Variants in CWC27 observed in about 807,000 individuals in gnomAD.
The protein encoded by CWC27 is spliceosome-associated protein CWC27 homolog.
Under a neutral mutation model 63.6 loss-of-function variants are expected in CWC27, and 47 were observed. The observed-to-expected ratio is 0.74, with a 90% CI of 0.58 to 0.94. The LOEUF (loss-of-function observed/expected upper bound fraction) is 0.94. Ranked by LOEUF, CWC27 falls within the 40% of genes least tolerant of loss-of-function variation. CWC27 has a pLI of 0.00. For missense variants in CWC27, 495 were observed against 554.3 expected (o/e 0.89, Z 1.07); for synonymous variants, 175 against 179.8 (o/e 0.97, Z 0.22).
At chr5:64,826,311 T>C (rs1325314303) in intron 10 of CWC27, among the ~76,000 whole-genome samples, 1 of 152,234 alleles carries the variant, frequency 6.6e-6, no homozygotes, top group South Asian at 2.1e-4. Context: ...CTCAAATATT[T>C]TTTTGTTACT....
intron 13 of CWC27, among the ~76,000 whole-genome samples, chr5:64,996,341 C>A (rs1374092372): frequency 6.6e-6 from 1 of 152,108 alleles, no homozygotes. Flanking sequence ...ATCCCTTCTA[C>A]TTTCTGGTAT....
intron 11 of CWC27, among the ~76,000 whole-genome samples, chr5:64,912,092 GA>G (rs1462824129): frequency 8.2e-6 from 1 of 122,272 alleles, no homozygotes. Context: ...AAAAAAAAAA[GA>G]AAGAAAGAAA....
chr5:64,825,608 G>A (rs1745335915), intron 10 of CWC27, among the ~76,000 whole-genome samples: 1 of 151,948 alleles, frequency 6.6e-6, no homozygotes, highest in South Asian at 2.1e-4. Context: ...TTTTAAAGAT[G>A]GAAGTTTAGA....
At chr5:64,799,950 T>C (rs531303767) in intron 7 of CWC27, among the ~76,000 whole-genome samples, 2 of 152,244 alleles carry the variant, frequency 1.3e-5, no homozygotes, top group Non-Finnish European at 2.9e-5. Context: ...AAAAATTAAC[T>C]AGTTTCATAG....
At chr5:64,830,175 G>A (rs1351252703) in intron 10 of CWC27, among the ~76,000 whole-genome samples, 1 of 128,680 alleles carries the variant, frequency 7.8e-6, no homozygotes, top group Non-Finnish European at 1.7e-5. Flanking sequence ...TCCCTCCCCC[G>A]GCCCCCCATG....
At position 64,967,169 on chromosome 5, in the gene CWC27, A is replaced by G. The variant is rs74839740; in HGVS notation, c.1043-4534A>G. On this transcript the variant is annotated intron_variant, in intron 11 of 13. Transcript: ENST00000381070. Reference sequence around the variant, plus strand: ...TTGTTTCAAAACATTCCTGTTTCTGAAATACTAATCCTGAGATAGTCACAA... The same window carrying G: ...TTGTTTCAAAACATTCCTGTTTCTGGAATACTAATCCTGAGATAGTCACAA... 6.6e-3 allele frequency among the ~76,000 whole-genome samples: 1,010 copies of G among 152,118 alleles called. 16 individuals are homozygous for G. Among genetic ancestry groups the G allele is most frequent in the African/African-American group, 0.023 (969 of 41,546 alleles).
At chr5:64,938,838 G>A (rs1013547567) in intron 11 of CWC27, among the ~76,000 whole-genome samples, 2 of 152,108 alleles carry the variant, frequency 1.3e-5, no homozygotes, top group South Asian at 2.1e-4. Flanking sequence ...TTGTCTTCAC[G>A]CTTTATTTCA....
intron 11 of CWC27, among the ~76,000 whole-genome samples, chr5:64,956,098 C>G (rs776457462): frequency 6.6e-6 from 1 of 152,010 alleles, no homozygotes; most frequent in Non-Finnish European, 1.5e-5. Context: ...TTCTTAGACA[C>G]GAGTCCAAAC....
intron 2 of CWC27, among the ~76,000 whole-genome samples, chr5:64,775,617 A>G (rs1180511302): frequency 6.6e-6 from 1 of 152,124 alleles, no homozygotes; most frequent in African/African-American, 2.4e-5. Flanking sequence ...TTCTCCACAC[A>G]GCCTTCCAGC....
chr5:64,891,826 T>C lies in CWC27; in HGVS notation c.1042+6280T>C, dbSNP rs561877985. Among the ~76,000 whole-genome samples, 701 of 144,148 alleles carry C rather than the reference T, an allele frequency of 4.9e-3. 7 individuals carry two copies. The highest frequency in any genetic ancestry group is 6.1e-3 in the Non-Finnish European group (392 of 64,634). The allele number at this position is 144,148 out of a possible 152,430, so 94.6% of individuals were successfully genotyped here. ...GTTGTTGTTGTTGTTACAGAGTCTC[T>C]CTCTGTCTCCCAGGTTGGAGTGCAG... On this transcript the variant is annotated intron_variant, in intron 11 of 13. Coordinates refer to ENST00000381070, the MANE Select transcript of CWC27 (RefSeq NM_005869.4).
intron 7 of CWC27, among the ~76,000 whole-genome samples, chr5:64,791,281 G>A (rs1744071716): frequency 6.6e-6 from 1 of 152,132 alleles, no homozygotes; most frequent in African/African-American, 2.4e-5. Context: ...TTTTCTATTT[G>A]TAACAGCAGC....
intron 11 of CWC27, among the ~76,000 whole-genome samples, chr5:64,922,192 A>C (rs1473500171): frequency 6.6e-6 from 1 of 152,162 alleles, no homozygotes; most frequent in Non-Finnish European, 1.5e-5. Context: ...GTGAGATTGG[A>C]AACATTTTCA....
chr5:64,954,573 C>T (rs1438625889), intron 11 of CWC27, among the ~76,000 whole-genome samples: 2 of 146,982 alleles, frequency 1.4e-5, no homozygotes, highest in Non-Finnish European at 2.9e-5. Context: ...GAATGAGCCA[C>T]CGTGCACAGC....
intron 11 of CWC27, among the ~76,000 whole-genome samples, chr5:64,891,052 T>C (rs1227511441): frequency 6.6e-6 from 1 of 152,166 alleles, no homozygotes; most frequent in Non-Finnish European, 1.5e-5. Context: ...AAGAGTCAAA[T>C]ATTATGGAAA....
chr5:64,794,508 A>T (rs1744190386), intron 7 of CWC27, among the ~76,000 whole-genome samples: 1 of 152,076 alleles, frequency 6.6e-6, no homozygotes, highest in Non-Finnish European at 1.5e-5. Flanking sequence ...CATTGTTTAG[A>T]TCATACTTGC....
intron 10 of CWC27, among the ~76,000 whole-genome samples, chr5:64,834,160 A>G (rs937905100): frequency 7.7e-6 from 1 of 129,764 alleles, no homozygotes; most frequent in African/African-American, 3.0e-5. Context: ...AGTAAAACCA[A>G]ATTAAGAAAA....
chr5:64,788,160 A>G (rs146389862), intron 6 of CWC27, among the ~76,000 whole-genome samples: 246 of 152,208 alleles, frequency 1.6e-3, no homozygotes, highest in Non-Finnish European at 2.8e-3. Flanking sequence ...TCTCTGGATG[A>G]AAGGTCACTG....
At chr5:64,933,782 C>T (rs73107296) in intron 11 of CWC27, among the ~76,000 whole-genome samples, 1,663 of 152,226 alleles carry the variant, frequency 0.011, 25 homozygotes, top group African/African-American at 0.038. Flanking sequence ...TGAGCCACCA[C>T]GCCTAGCCAC....
intron 10 of CWC27, among the ~76,000 whole-genome samples, chr5:64,826,296 A>T (rs1396995152): frequency 6.6e-6 from 1 of 152,050 alleles, no homozygotes; most frequent in East Asian, 1.9e-4. Context: ...AATATTTGGG[A>T]ATTTCTCAAA....
Sources: gnomAD v4.1 joint callset for allele counts (sites outside exome capture counted in the v4.1 genomes callset) on GRCh38, gnomAD v4.1.1 for gene constraint, MANE v1.5 for transcripts, NCBI Gene and HGNC (gene_info 2026-07-23, HGNC 2026-07-21) for gene names.